Variants in GPHN observed in about 807,000 individuals in gnomAD.
GPHN encodes gephyrin.
Under a neutral mutation model 95.5 loss-of-function variants are expected in GPHN, and 17 were observed. The ratio of observed to expected loss-of-function variants is 0.18; its 90% CI spans 0.12 to 0.27. The LOEUF (loss-of-function observed/expected upper bound fraction) is 0.27, where lower values mean the gene tolerates loss of function less well. Ranked by LOEUF, GPHN falls within the 10% of genes least tolerant of loss-of-function variation. The probability of loss-of-function intolerance (pLI) is 1.00; values close to 1 mark genes in which losing one functional copy is unlikely to be tolerated. For missense variants in GPHN, 660 were observed against 978.1 expected (o/e 0.67, Z 4.34); for synonymous variants, 320 against 322.5 (o/e 0.99, Z 0.08).
At chr14:66,946,822 T>C (rs1017726146) in intron 8 of GPHN, among the ~76,000 whole-genome samples, 2 of 152,234 alleles carry the variant, frequency 1.3e-5, no homozygotes, top group Non-Finnish European at 2.9e-5. Flanking sequence ...GTGAGACTTA[T>C]TGGTGACTCT....
the GPHN span, chr14:67,579,577 C>T: frequency 1.3e-6 from 1 of 790,820 alleles, no homozygotes; most frequent in Non-Finnish European, 2.0e-6. Flanking sequence ...TGGCCCTTTG[C>T]CTGTGAACAC....
Position 66,813,188 on chromosome 14 carries a change from C to G in GPHN, c.202-11286C>G, listed in dbSNP as rs79420550. Among the ~76,000 whole-genome samples the G allele has an allele frequency of 2.6e-5, 4 of 152,162 alleles. No homozygotes were observed. In the East Asian group the frequency reaches 7.7e-4, roughly 29 times the overall value. On this transcript the variant is annotated intron_variant, in intron 3 of 22. Transcript: ENST00000478722. ...TTGCTAATAGTGCCTACTATAAACTCAAATTAATAACTTTTATAATTATTT... is the reference window on the plus strand; with the variant it reads ...TTGCTAATAGTGCCTACTATAAACTGAAATTAATAACTTTTATAATTATTT...
intron 11 of GPHN, among the ~76,000 whole-genome samples, chr14:67,086,982 G>C (rs555453807): frequency 6.9e-6 from 1 of 145,788 alleles, no homozygotes; most frequent in Admixed American, 6.9e-5. Context: ...AGCTTGCAGT[G>C]AGCCGAGATC....
intron 2 of GPHN, among the ~76,000 whole-genome samples, chr14:66,724,890 C>T (rs1338569532): frequency 1.3e-5 from 2 of 152,116 alleles, no homozygotes; most frequent in African/African-American, 4.8e-5. Flanking sequence ...GGGCCCAGAA[C>T]TAAAATAATA....
the GPHN span, among the ~76,000 whole-genome samples, chr14:67,240,094 A>AT: frequency 6.6e-6 from 1 of 152,194 alleles, no homozygotes; most frequent in African/African-American, 2.4e-5. Context: ...TGGCAGGAGC[A>AT]TTAAGGTCTT....
intron 1 of GPHN, among the ~76,000 whole-genome samples, chr14:66,621,645 G>A (rs918787572): frequency 6.7e-6 from 1 of 149,292 alleles, no homozygotes; most frequent in Non-Finnish European, 1.5e-5. Flanking sequence ...GGATGGTCTC[G>A]ATCTCCTGAC....
chr14:67,504,225 G>A, the GPHN span, among the ~76,000 whole-genome samples: 1 of 151,392 alleles, frequency 6.6e-6, no homozygotes, highest in African/African-American at 2.4e-5. Flanking sequence ...TGTTGGCCAG[G>A]TTGGTCTCGG....
In GPHN at chr14:66,831,905, G is replaced by C. The variant is rs535488095; in HGVS notation, c.294+7339G>C. On this transcript the variant is annotated intron_variant, in intron 4 of 22. Coordinates refer to ENST00000478722, the MANE Select transcript of GPHN (RefSeq NM_020806.5). ...CTCATGCCTGTAATCCCAGCCCTTT[G>C]GGAGGCCGAGGTGGGTGGATCACTT... Among the ~76,000 whole-genome samples the C allele has an allele frequency of 2.0e-5, 3 of 152,258 alleles. No homozygotes were observed. In the East Asian group the frequency reaches 5.8e-4, roughly 29 times the overall value.
chr14:67,262,840 T>C, the GPHN span, among the ~76,000 whole-genome samples: 1 of 152,138 alleles, frequency 6.6e-6, no homozygotes, highest in Admixed American at 6.5e-5. Context: ...CCATATATAT[T>C]CTTCATTATT....
At chr14:67,613,905 G>T in the GPHN span, 1 of 152,678 alleles carries the variant, frequency 6.5e-6, no homozygotes, top group African/African-American at 2.4e-5. Context: ...GTAAAACTTT[G>T]ATGAAATAAA....
the GPHN span, chr14:67,692,829 T>C: frequency 1.1e-6 from 1 of 945,664 alleles, no homozygotes; most frequent in Non-Finnish European, 1.7e-6. Flanking sequence ...AATCCTTAGG[T>C]GTTCTTGAAT....
chr14:66,764,983 A>G (rs1309884333), intron 2 of GPHN, among the ~76,000 whole-genome samples: 2 of 152,182 alleles, frequency 1.3e-5, no homozygotes, highest in Admixed American at 6.5e-5. Flanking sequence ...TAAAAATACT[A>G]TCAACCTGAA....
rs182825742 is a variant in GPHN at position 66,827,057 on chromosome 14, G to A, written c.294+2491G>A. ...CCAGCACTTTGAGAGGCCCAGGCGG[G>A]TGGATCAGTTGAGGCAAGGAGTTCA... is the stretch of plus-strand genomic sequence containing the variant. On this transcript the variant is annotated intron_variant, in intron 4 of 22. Coordinates refer to ENST00000478722, the MANE Select transcript of GPHN (RefSeq NM_020806.5). Among the ~76,000 whole-genome samples, 31 of 152,264 alleles carry A rather than the reference G, an allele frequency of 2.0e-4. 1 individual carries two copies. Among genetic ancestry groups the A allele is most frequent in the Admixed American group, 1.8e-3 (28 of 15,298 alleles).
At chr14:67,675,787 C>A in the GPHN span, among the ~76,000 whole-genome samples, 1 of 152,052 alleles carries the variant, frequency 6.6e-6, no homozygotes, top group Non-Finnish European at 1.5e-5. Flanking sequence ...TCCCTTCTTG[C>A]ACTCCATGGG....
chr14:66,637,948 T>G lies in GPHN; in HGVS notation c.65-43159T>G, dbSNP rs562566908. Among the ~76,000 whole-genome samples the G allele has an allele frequency of 1.1e-3, 166 of 152,188 alleles. 1 individual carries two copies. The highest frequency in any genetic ancestry group is 3.9e-3 in the African/African-American group (162 of 41,556). The stretch of plus-strand genomic sequence containing the variant: ...TTTATAAGGATTGATATTTTATGAC[T>G]TTTATTATTTTCTAGGGCTCTTCCA... On this transcript the variant is annotated intron_variant, in intron 1 of 22. Transcript: ENST00000478722.
chr14:67,384,269 A>G, the GPHN span: 1 of 151,986 alleles, frequency 6.6e-6, no homozygotes, highest in Admixed American at 6.6e-5. Context: ...AATATCACCC[A>G]ATTTTTTATT....
chr14:67,629,379 G>A, the GPHN span, among the ~76,000 whole-genome samples: 17,652 of 152,224 alleles, frequency 0.12, 1,065 homozygotes, highest in East Asian at 0.14. Context: ...GACATATGCT[G>A]CAATATGGGT....
intron 1 of GPHN, among the ~76,000 whole-genome samples, chr14:66,601,297 A>G (rs1011480848): frequency 1.3e-5 from 2 of 152,052 alleles, no homozygotes; most frequent in South Asian, 4.1e-4. Context: ...CAGAGGGAAG[A>G]TTATTTTGGA....
intron 1 of GPHN, among the ~76,000 whole-genome samples, chr14:66,554,257 G>A (rs2059928398): frequency 6.6e-6 from 1 of 152,222 alleles, no homozygotes; most frequent in Admixed American, 6.5e-5. Flanking sequence ...TAGAACAACA[G>A]CCAGTGAGAC....
Sources: allele counts gnomAD v4.1 joint callset (sites outside exome capture counted in the v4.1 genomes callset), GRCh38; gene constraint gnomAD v4.1.1; transcripts MANE v1.5; gene names NCBI Gene and HGNC (gene_info 2026-07-23, HGNC 2026-07-21).